The following ANKS1B variants were observed in gnomAD, a reference collection of about 807,000 sequenced individuals.
ANKS1B encodes the protein ankyrin repeat and sterile alpha motif domain containing 1B.
In ANKS1B, 36 loss-of-function variants were observed where a neutral mutation model predicts 148.3. The observed-to-expected ratio is 0.24, with a 90% confidence interval of 0.19 to 0.32. The LOEUF is 0.32. ANKS1B is among the 10% of genes least tolerant of loss of function. The probability of loss-of-function intolerance (pLI) is 1.00; values close to 1 mark genes in which losing one functional copy is unlikely to be tolerated. For missense variants in ANKS1B, 1,157 were observed against 1,542.6 expected, an observed-to-expected ratio of 0.75 and a Z score of 4.19; for synonymous variants, 542 against 560.8, an observed-to-expected ratio of 0.97 and a Z score of 0.47.
At chr12:99,781,062 G>T (rs1187895986) in intron 5 of ANKS1B, among the ~76,000 whole-genome samples, 1 of 78,680 alleles carries the variant, frequency 1.3e-5, no homozygotes, top group Non-Finnish European at 2.7e-5. Flanking sequence ...ACACATAATT[G>T]CAAAAAAAAA....
At chr12:99,286,641 T>C (rs993123982) in intron 12 of ANKS1B, among the ~76,000 whole-genome samples, 1 of 152,118 alleles carries the variant, frequency 6.6e-6, no homozygotes, top group Non-Finnish European at 1.5e-5. Context: ...TTAGATGGCA[T>C]TTCTGGATCC....
chr12:99,570,651 A>AC (rs1453521296), intron 9 of ANKS1B, among the ~76,000 whole-genome samples: 1 of 151,994 alleles, frequency 6.6e-6, no homozygotes, highest in Non-Finnish European at 1.5e-5. Flanking sequence ...GTCTCAAAAA[A>AC]AAAAAAAAAG....
intron 17 of ANKS1B, among the ~76,000 whole-genome samples, chr12:99,030,672 T>G (rs2099951550): frequency 6.6e-6 from 1 of 152,228 alleles, no homozygotes; most frequent in Non-Finnish European, 1.5e-5. Flanking sequence ...CTTATTGAAC[T>G]GTACTATAAC....
At chr12:99,976,171 G>C (rs1434061906) in intron 1 of ANKS1B, among the ~76,000 whole-genome samples, 2 of 152,112 alleles carry the variant, frequency 1.3e-5, no homozygotes, top group South Asian at 2.1e-4. Flanking sequence ...ATAAATAAGG[G>C]AACGAAAGAC....
intron 9 of ANKS1B, among the ~76,000 whole-genome samples, chr12:99,558,110 A>G (rs1025049415): frequency 5.3e-5 from 8 of 152,178 alleles, no homozygotes; most frequent in Non-Finnish European, 1.5e-5. Context: ...CATCAGAGCA[A>G]TGGCAGAGAT....
chr12:99,506,388 T>A (rs542404886), intron 9 of ANKS1B, among the ~76,000 whole-genome samples: 2 of 151,906 alleles, frequency 1.3e-5, no homozygotes, highest in Non-Finnish European at 2.9e-5. Context: ...CCCTCACACA[T>A]CAGAGAGTCA....
chr12:98,745,965 T>C, intron 26 of ANKS1B, 116 bp from the exon 27 acceptor site: 1 of 1,162,328 alleles, frequency 8.6e-7, no homozygotes, highest in Non-Finnish European at 1.2e-6. Context: ...GGGGCGGCGA[T>C]GCTGGTCTAG....
intron 1 of ANKS1B, among the ~76,000 whole-genome samples, chr12:99,976,135 G>A (rs2095625430): frequency 6.6e-6 from 1 of 152,138 alleles, no homozygotes; most frequent in Non-Finnish European, 1.5e-5. Flanking sequence ...TTATAAGTGG[G>A]AGCTAAATAT....
intron 1 of ANKS1B, among the ~76,000 whole-genome samples, chr12:99,981,612 G>T (rs534319451): frequency 6.6e-6 from 1 of 152,220 alleles, no homozygotes; most frequent in South Asian, 2.1e-4. Context: ...GACTTAAAAT[G>T]TTGTAAAACA....
intron 9 of ANKS1B, among the ~76,000 whole-genome samples, chr12:99,508,160 C>T (rs560193119): frequency 6.6e-6 from 1 of 151,782 alleles, no homozygotes; most frequent in African/African-American, 2.4e-5. Context: ...CAGTGTGGTA[C>T]AGGAGCTCAT....
chr12:99,053,799 C>T (rs1022922538), intron 16 of ANKS1B, among the ~76,000 whole-genome samples: 3 of 152,268 alleles, frequency 2.0e-5, no homozygotes, highest in Non-Finnish European at 4.4e-5. Context: ...AGTGCAAACA[C>T]GCTGGAGAAA....
chr12:99,695,014 A>G (rs909314986), intron 8 of ANKS1B, among the ~76,000 whole-genome samples: 2 of 152,208 alleles, frequency 1.3e-5, no homozygotes, highest in African/African-American at 4.8e-5. Flanking sequence ...TTAAAGGAAC[A>G]GGGTCTTTAC....
intron 25 of ANKS1B, among the ~76,000 whole-genome samples, chr12:98,770,528 T>A (rs911522976): frequency 6.6e-6 from 1 of 152,168 alleles, no homozygotes; most frequent in African/African-American, 2.4e-5. Context: ...TTTAGAGCAG[T>A]CTCGCAGGGC....
At chr12:99,333,875 T>TTTTTTAA in intron 12 of ANKS1B, among the ~76,000 whole-genome samples, 1 of 149,314 alleles carries the variant, frequency 6.7e-6, no homozygotes, top group African/African-American at 2.5e-5. Context: ...TTTTTTTTTT[T>TTTTTTAA]AACAATGTGA....
At chr12:99,650,264 A>G (rs1197211340) in intron 9 of ANKS1B, among the ~76,000 whole-genome samples, 1 of 152,026 alleles carries the variant, frequency 6.6e-6, no homozygotes, top group African/African-American at 2.4e-5. Context: ...CAAAATATAA[A>G]ATGAGAACCC....
chr12:98,749,309 G>A (rs1025635643), intron 26 of ANKS1B, among the ~76,000 whole-genome samples: 3 of 151,088 alleles, frequency 2.0e-5, no homozygotes, highest in Non-Finnish European at 4.4e-5. Context: ...GGGTTTCACC[G>A]TGTTAGCCAG....
chr12:99,879,602 G>A (rs1278635367), intron 1 of ANKS1B, among the ~76,000 whole-genome samples: 1 of 151,884 alleles, frequency 6.6e-6, no homozygotes. Context: ...GTTTATCATT[G>A]GTATATCCCT....
At chr12:99,505,550 G>T (rs1478425107) in intron 9 of ANKS1B, among the ~76,000 whole-genome samples, 1 of 150,136 alleles carries the variant, frequency 6.7e-6, no homozygotes, top group Non-Finnish European at 1.5e-5. Context: ...TTGATTTCCT[G>T]TACATAAGGC....
At chr12:99,208,606 T>C (rs550680987) in intron 14 of ANKS1B, among the ~76,000 whole-genome samples, 22 of 152,256 alleles carry the variant, frequency 1.4e-4, no homozygotes, top group African/African-American at 5.3e-4. Flanking sequence ...ACATTGAATA[T>C]ATAAGTTTCT....
Sources: gnomAD v4.1 joint callset for allele counts (sites outside exome capture counted in the v4.1 genomes callset) on GRCh38, gnomAD v4.1.1 for gene constraint, MANE v1.5 for transcripts, NCBI Gene and HGNC (gene_info 2026-07-23, HGNC 2026-07-21) for gene names.